Variants in DTWD2 observed in about 807,000 individuals in gnomAD.
DTWD2 encodes DTW motif tRNA-uridine aminocarboxypropyltransferase 2, also known as tRNA-uridine aminocarboxypropyltransferase 2.
A neutral mutation model predicts 31.8 loss-of-function variants in DTWD2; 39 were observed. That is an observed-to-expected ratio of 1.22 (90% CI 0.95 to 1.60). The LOEUF (loss-of-function observed/expected upper bound fraction) is 1.60, where lower values mean the gene tolerates loss of function less well. DTWD2 is among the 40% of genes most tolerant of loss of function. DTWD2 has a pLI of 0.00. For synonymous variants in DTWD2, 180 were observed against 142.8 expected, an observed-to-expected ratio of 1.26 and a Z score of -1.86; for missense variants, 515 against 381.5, an observed-to-expected ratio of 1.35 and a Z score of -2.92.
chr5:118,945,863 A>G (rs1192810620), intron 1 of DTWD2, among the ~76,000 whole-genome samples: 1 of 152,160 alleles, frequency 6.6e-6, no homozygotes, highest in Non-Finnish European at 1.5e-5. Flanking sequence ...TTCACAAACG[A>G]TCACAGGCAG....
chr5:118,850,477 C>CAAAAA lies in DTWD2; in HGVS notation c.598-2264_598-2260dup, dbSNP rs34808087. Among the ~76,000 whole-genome samples, 176 of 30,484 alleles carry CAAAAA rather than the reference C, an allele frequency of 5.8e-3. 12 individuals carry two copies. Among genetic ancestry groups the CAAAAA allele is most frequent in the East Asian group, 0.012 (8 of 666 alleles). 20.0% of individuals were successfully genotyped at this position (30,484 alleles called of 152,430 possible). A position where few individuals can be genotyped will look rare whatever the true frequency, so the allele number is the denominator to read the frequency against. On this transcript the variant is annotated intron_variant, in intron 4 of 5. Transcript: ENST00000510708. Reference sequence around the variant, plus strand: ...TGGGTGACAGAGCCAGACCCCACCACAAAAAAAAAAAAAAAAAAAAAAAAA... The same window carrying CAAAAA: ...TGGGTGACAGAGCCAGACCCCACCACAAAAAAAAAAAAAAAAAAAAAAAAAAAAAA...
At chr5:118,963,996 G>A (rs1754767250) in intron 1 of DTWD2, among the ~76,000 whole-genome samples, 1 of 152,104 alleles carries the variant, frequency 6.6e-6, no homozygotes, top group South Asian at 2.1e-4. Context: ...GACCACTTGA[G>A]GTCAGGTGTT....
intron 1 of DTWD2, among the ~76,000 whole-genome samples, chr5:118,960,507 A>T (rs572633538): frequency 5.3e-5 from 8 of 152,332 alleles, no homozygotes; most frequent in African/African-American, 1.9e-4. Context: ...GACACTATGG[A>T]AAGCGGTTTA....
chr5:118,890,210 TAA>T (rs1752948397), intron 4 of DTWD2, among the ~76,000 whole-genome samples: 1 of 152,218 alleles, frequency 6.6e-6, no homozygotes, highest in Non-Finnish European at 1.5e-5. Context: ...GAGACAGGAA[TAA>T]AGTCAGTCTG....
intron 4 of DTWD2, among the ~76,000 whole-genome samples, chr5:118,915,669 C>T (rs114532954): frequency 2.0e-5 from 3 of 152,136 alleles, no homozygotes; most frequent in Admixed American, 6.5e-5. Context: ...CCACTACGCC[C>T]GGCCTAATCT....
At position 118,916,578 on chromosome 5, in the gene DTWD2, T is replaced by C. The variant is rs537270925; in HGVS notation, c.597+11959A>G. 2.0e-5 allele frequency among the ~76,000 whole-genome samples: 3 copies of C among 150,194 alleles called. No homozygotes were observed. In the South Asian group the frequency reaches 6.3e-4, roughly 31 times the overall value. The stretch of plus-strand genomic sequence containing the variant: ...TACTTGGGAGGTTGAGGCAGGAGAA[T>C]CACTTGAACCCGGGATGCGGAGGTT... On this transcript the variant is annotated intron_variant, in intron 4 of 5. Transcript: ENST00000510708.
intron 2 of DTWD2, among the ~76,000 whole-genome samples, chr5:118,944,091 C>G (rs1204641731): frequency 2.0e-5 from 3 of 152,172 alleles, no homozygotes; most frequent in Non-Finnish European, 4.4e-5. Flanking sequence ...TTACATATAA[C>G]ATGCATTATA....
chr5:118,858,652 T>C (rs1159200444), intron 4 of DTWD2, among the ~76,000 whole-genome samples: 1 of 152,202 alleles, frequency 6.6e-6, no homozygotes, highest in East Asian at 1.9e-4. Flanking sequence ...GCTCTTTTTT[T>C]AAAACTATAT....
rs17144732 is a variant in DTWD2, at chr5:118,844,578, A to G, written c.727-3491T>C. 4.3e-3 allele frequency among the ~76,000 whole-genome samples: 656 copies of G among 152,334 alleles called. 9 individuals are homozygous for G. Among genetic ancestry groups the G allele is most frequent in the East Asian group, 0.03 (155 of 5,190 alleles). The stretch of plus-strand genomic sequence containing the variant: ...TCAGTTCTTGAAATACTATGAGGTA[A>G]CATTTTGTATATTACAGATAAGAAC... On this transcript the variant is annotated intron_variant, in intron 5 of 5. Coordinates refer to ENST00000510708, the MANE Select transcript of DTWD2 (RefSeq NM_173666.4).
At chr5:118,923,044 T>C (rs899505662) in intron 4 of DTWD2, among the ~76,000 whole-genome samples, 1 of 152,172 alleles carries the variant, frequency 6.6e-6, no homozygotes, top group Admixed American at 6.5e-5. Flanking sequence ...CTTTTTTTTT[T>C]AATAGGCAAT....
chr5:118,880,851 G>C (rs896895590), intron 4 of DTWD2, among the ~76,000 whole-genome samples: 6 of 151,998 alleles, frequency 3.9e-5, no homozygotes, highest in African/African-American at 1.4e-4. Context: ...ATTTTGTTTG[G>C]GGGTTTCTTT....
intron 1 of DTWD2, among the ~76,000 whole-genome samples, chr5:118,983,180 G>T (rs1364858488): frequency 6.6e-6 from 1 of 152,116 alleles, no homozygotes; most frequent in Non-Finnish European, 1.5e-5. Context: ...TAGGGGGCCA[G>T]CAGTTAACCA....
At chr5:118,892,641 CA>C (rs1380186157) in intron 4 of DTWD2, among the ~76,000 whole-genome samples, 13 of 152,134 alleles carry the variant, frequency 8.5e-5, no homozygotes, top group Middle Eastern at 3.4e-3. Flanking sequence ...AAAAAACATT[CA>C]AAATCTTAAC....
chr5:118,952,223 T>C (rs1200478765), intron 1 of DTWD2, among the ~76,000 whole-genome samples: 3 of 152,326 alleles, frequency 2.0e-5, no homozygotes, highest in South Asian at 2.1e-4. Context: ...GGACAGGGGA[T>C]TGATCTCCCA....
chr5:118,909,083 G>A (rs1475430728), intron 4 of DTWD2, among the ~76,000 whole-genome samples: 2 of 152,192 alleles, frequency 1.3e-5, no homozygotes, highest in South Asian at 2.1e-4. Context: ...ATTAAGGTAA[G>A]CACCAGTTTC....
At chr5:118,917,957 T>G (rs1753615722) in intron 4 of DTWD2, among the ~76,000 whole-genome samples, 1 of 149,670 alleles carries the variant, frequency 6.7e-6, no homozygotes, top group Non-Finnish European at 1.5e-5. Flanking sequence ...GGGGCAAGAC[T>G]CTCAAAAAAA....
At chr5:118,864,529 TA>T (rs750961429) in intron 4 of DTWD2, among the ~76,000 whole-genome samples, 2,152 of 132,492 alleles carry the variant, frequency 0.016, 28 homozygotes, top group African/African-American at 0.041. Flanking sequence ...CTTAGAGTAT[TA>T]AAAAAAAAAA....
intron 4 of DTWD2, among the ~76,000 whole-genome samples, chr5:118,925,156 C>T (rs985965839): frequency 3.9e-5 from 6 of 152,152 alleles, no homozygotes; most frequent in African/African-American, 1.4e-4. Flanking sequence ...ATGCACCCAA[C>T]AACAGAGCAG....
chr5:118,865,994 G>GACACA (rs1752372414), intron 4 of DTWD2, among the ~76,000 whole-genome samples: 1 of 149,524 alleles, frequency 6.7e-6, no homozygotes, highest in Admixed American at 6.6e-5. Context: ...ACGTGTGTCT[G>GACACA]CGTGTGTGTG....
Sources: allele counts gnomAD v4.1 joint callset (sites outside exome capture counted in the v4.1 genomes callset), GRCh38; gene constraint gnomAD v4.1.1; transcripts MANE v1.5; gene names NCBI Gene and HGNC (gene_info 2026-07-23, HGNC 2026-07-21).